Variants in LHFPL2 observed in about 807,000 individuals in gnomAD.
LHFPL2 encodes LHFPL tetraspan subfamily member 2.
A neutral mutation model predicts 17.5 loss-of-function variants in LHFPL2; 7 were observed. That is an observed-to-expected ratio of 0.40 (90% CI 0.23 to 0.75). LHFPL2 has a LOEUF of 0.75. Ranked by LOEUF, LHFPL2 falls within the 30% of genes least tolerant of loss-of-function variation. The pLI, the probability that LHFPL2 is intolerant of heterozygous loss-of-function variation, is 0.37. For missense variants in LHFPL2, 241 were observed against 294.8 expected (o/e 0.82, Z 1.34); for synonymous variants, 134 against 116.2 (o/e 1.15, Z -0.99).
intron 3 of LHFPL2, among the ~76,000 whole-genome samples, chr5:78,558,360 T>A (rs1756637137): frequency 6.6e-6 from 1 of 152,194 alleles, no homozygotes; most frequent in South Asian, 2.1e-4. Context: ...AAAACTGGAT[T>A]GTTAAAATAA....
intron 4 of LHFPL2, among the ~76,000 whole-genome samples, chr5:78,504,407 C>A (rs1037257217): frequency 2.6e-5 from 4 of 152,164 alleles, no homozygotes; most frequent in African/African-American, 9.7e-5. Flanking sequence ...GTTCTGATTT[C>A]TCTCCTCTCA....
At position 78,585,273 on chromosome 5, in the gene LHFPL2, C is replaced by G. The variant is rs1580833693; in HGVS notation, c.-244-20402G>C. Among the ~76,000 whole-genome samples, 2 of 96,584 alleles carry G rather than the reference C, an allele frequency of 2.1e-5. 1 individual carries two copies. Among genetic ancestry groups the G allele is most frequent in the East Asian group, 5.3e-4 (2 of 3,784 alleles). The allele number at this position is 96,584 out of a possible 152,430, so 63.4% of individuals were successfully genotyped here. A position where few individuals can be genotyped will look rare whatever the true frequency, so the allele number is the denominator to read the frequency against. ...CCGCCCGCCTCGGCCTCCCAAAGTG[C>G]TGGGATTACAGGCGTGAGCCACCGC... is the stretch of plus-strand genomic sequence containing the variant. On this transcript the variant is annotated intron_variant, in intron 2 of 4. Coordinates refer to ENST00000380345, the MANE Select transcript of LHFPL2 (RefSeq NM_005779.3).
At chr5:78,565,787 T>A (rs979501900) in intron 2 of LHFPL2, among the ~76,000 whole-genome samples, 3 of 152,204 alleles carry the variant, frequency 2.0e-5, no homozygotes, top group African/African-American at 7.2e-5. Context: ...TCCTATCAGA[T>A]AATCTTGCTC....
chr5:78,616,465 T>C (rs1744618584), intron 2 of LHFPL2, among the ~76,000 whole-genome samples: 1 of 152,120 alleles, frequency 6.6e-6, no homozygotes, highest in African/African-American at 2.4e-5. Context: ...CGACTATGGA[T>C]TGCTTCGGAA....
intron 3 of LHFPL2, among the ~76,000 whole-genome samples, chr5:78,562,190 C>T (rs146639064): frequency 3.6e-4 from 55 of 152,316 alleles, no homozygotes; most frequent in African/African-American, 1.2e-3. Context: ...AATCTTCCCA[C>T]CACTTTGGGA....
chr5:78,528,603 A>C (rs535741299), intron 3 of LHFPL2, among the ~76,000 whole-genome samples: 3 of 152,338 alleles, frequency 2.0e-5, no homozygotes, highest in African/African-American at 7.2e-5. Flanking sequence ...ATGTTTGTAC[A>C]CTGGTTATAG....
intron 3 of LHFPL2, among the ~76,000 whole-genome samples, chr5:78,542,505 C>T (rs1384682270): frequency 6.6e-6 from 1 of 152,208 alleles, no homozygotes; most frequent in Non-Finnish European, 1.5e-5. Flanking sequence ...AGAGCTGAGC[C>T]TTCCCCCTGA....
At position 78,488,201 on chromosome 5, in the gene LHFPL2, T is replaced by G. The variant is rs1754315599; in HGVS notation, c.*696A>C. On this transcript the variant is annotated 3_prime_UTR_variant, in exon 5 of 5. Coordinates refer to ENST00000380345, the MANE Select transcript of LHFPL2 (RefSeq NM_005779.3). ...AAAATACGTCTTCACTAGCAAGATT[T>G]CATATTTTTGTTCTCATATGATTGT... The G allele has an allele frequency of 6.6e-6, 1 of 152,294 alleles. No homozygotes were observed. Among genetic ancestry groups the G allele is most frequent in the Non-Finnish European group, 1.5e-5 (1 of 68,098 alleles). 9.4% of individuals were successfully genotyped at this position (152,294 alleles called of 1,614,324 possible). A position where few individuals can be genotyped will look rare whatever the true frequency, so the allele number is the denominator to read the frequency against.
chr5:78,523,509 G>A (rs955397218), intron 3 of LHFPL2, among the ~76,000 whole-genome samples: 1 of 152,060 alleles, frequency 6.6e-6, no homozygotes, highest in Non-Finnish European at 1.5e-5. Flanking sequence ...GGCAAAGGGG[G>A]GAAATCTGCC....
intron 2 of LHFPL2, among the ~76,000 whole-genome samples, chr5:78,567,475 T>C (rs1281262958): frequency 6.6e-6 from 1 of 152,222 alleles, no homozygotes; most frequent in Non-Finnish European, 1.5e-5. Context: ...TGTCAGGCAT[T>C]GTTCTATGTA....
At chr5:78,495,970 C>T (rs889436857) in intron 4 of LHFPL2, among the ~76,000 whole-genome samples, 9 of 152,182 alleles carry the variant, frequency 5.9e-5, no homozygotes, top group African/African-American at 1.2e-4. Flanking sequence ...CCCCCTTGGA[C>T]GCTCACGCAT....
At chr5:78,604,995 T>G (rs1744162829) in intron 2 of LHFPL2, among the ~76,000 whole-genome samples, 1 of 152,248 alleles carries the variant, frequency 6.6e-6, no homozygotes, top group Non-Finnish European at 1.5e-5. Context: ...CTTTAGTGAT[T>G]TGCTGAATGA....
At chr5:78,522,590 G>A (rs1422327179) in intron 3 of LHFPL2, among the ~76,000 whole-genome samples, 1 of 152,184 alleles carries the variant, frequency 6.6e-6, no homozygotes, top group Non-Finnish European at 1.5e-5. Flanking sequence ...TTCTAAAGTG[G>A]TAAGGCAATT....
chr5:78,620,257 T>C (rs956754813), intron 2 of LHFPL2, among the ~76,000 whole-genome samples: 1 of 151,458 alleles, frequency 6.6e-6, no homozygotes, highest in African/African-American at 2.4e-5. Context: ...TGATGGCCAG[T>C]GATGGTGAGC....
chr5:78,597,331 A>C (rs1036308273), intron 2 of LHFPL2, among the ~76,000 whole-genome samples: 2 of 152,158 alleles, frequency 1.3e-5, no homozygotes, highest in African/African-American at 4.8e-5. Flanking sequence ...AGTTTTTTTC[A>C]ATTTTCTCCC....
rs1745782840 is a variant in LHFPL2 at position 78,644,196 on chromosome 5, AAAG to A, written c.-350+4300_-350+4302del. The A allele has an allele frequency of 1.4e-5, 8 of 588,378 alleles. No homozygotes were observed. In the Admixed American group the frequency reaches 2.5e-4, roughly 18 times the overall value. 36.4% of individuals were successfully genotyped at this position (588,378 alleles called of 1,614,324 possible). ...ATAGTCTTCCATTTCAATTTCTTTA[AAAG>A]AAGTGAAATGCATACAGGGAGTTGA... On this transcript the variant is annotated intron_variant, in intron 1 of 4. Coordinates refer to ENST00000380345, the MANE Select transcript of LHFPL2 (RefSeq NM_005779.3).
intron 4 of LHFPL2, among the ~76,000 whole-genome samples, chr5:78,492,924 C>T (rs1335596656): frequency 6.6e-6 from 1 of 152,130 alleles, no homozygotes; most frequent in African/African-American, 2.4e-5. Flanking sequence ...CACCACTGTC[C>T]ACTCTGCCCT....
intron 3 of LHFPL2, among the ~76,000 whole-genome samples, chr5:78,552,531 G>A (rs1414674171): frequency 1.3e-5 from 2 of 152,194 alleles, no homozygotes; most frequent in East Asian, 1.9e-4. Flanking sequence ...CGTAATAAGG[G>A]GGAAACCTGA....
At chr5:78,599,541 C>A (rs1561359106) in intron 2 of LHFPL2, among the ~76,000 whole-genome samples, 1 of 151,972 alleles carries the variant, frequency 6.6e-6, no homozygotes, top group East Asian at 1.9e-4. Flanking sequence ...GAACTCCTGA[C>A]CTCAGGTGAT....
Sources: gnomAD v4.1 joint callset for allele counts (sites outside exome capture counted in the v4.1 genomes callset) on GRCh38, gnomAD v4.1.1 for gene constraint, MANE v1.5 for transcripts, NCBI Gene and HGNC (gene_info 2026-07-23, HGNC 2026-07-21) for gene names.